The following IQCJ variants were observed in gnomAD, a reference collection of about 807,000 sequenced individuals.
IQCJ encodes the protein IQ domain-containing protein J.
Under a neutral mutation model 11.0 loss-of-function variants are expected in IQCJ, and 9 were observed. The ratio of observed to expected loss-of-function variants is 0.82; its 90% confidence interval spans 0.49 to 1.43. The LOEUF (loss-of-function observed/expected upper bound fraction) is 1.43. IQCJ is among the 40% of genes most tolerant of loss of function. The pLI is 0.00. For synonymous variants in IQCJ, 55 were observed against 51.3 expected, an observed-to-expected ratio of 1.07 and a Z score of -0.31; for missense variants, 146 against 133.2, an observed-to-expected ratio of 1.10 and a Z score of -0.47.
intron 1 of IQCJ, among the ~76,000 whole-genome samples, chr3:159,208,343 C>T (rs1724770059): frequency 6.6e-6 from 1 of 152,178 alleles, no homozygotes; most frequent in South Asian, 2.1e-4. Flanking sequence ...GAGACCAGGT[C>T]AGCCATCACC....
chr3:159,119,788 TC>T (rs1719246550), intron 1 of IQCJ, among the ~76,000 whole-genome samples: 4 of 152,146 alleles, frequency 2.6e-5, no homozygotes, highest in Admixed American at 2.6e-4. Flanking sequence ...TCCCCATGTA[TC>T]CCCATTCCGT....
intron 1 of IQCJ, among the ~76,000 whole-genome samples, chr3:159,219,534 A>C (rs920744519): frequency 7.2e-5 from 11 of 152,184 alleles, no homozygotes; most frequent in African/African-American, 2.4e-4. Flanking sequence ...GATGTTCAGA[A>C]GAGGAGGAGA....
intron 1 of IQCJ, among the ~76,000 whole-genome samples, chr3:159,190,449 T>G (rs1341619700): frequency 6.6e-6 from 1 of 152,104 alleles, no homozygotes. Context: ...TCTCTGGTAA[T>G]GGAAGGACAC....
intron 1 of IQCJ, among the ~76,000 whole-genome samples, chr3:159,147,751 G>T (rs1421070662): frequency 2.0e-5 from 3 of 152,124 alleles, no homozygotes; most frequent in Non-Finnish European, 2.9e-5. Flanking sequence ...AACTCTGTAT[G>T]GTCATCTTGT....
intron 1 of IQCJ, among the ~76,000 whole-genome samples, chr3:159,203,951 G>A (rs541366750): frequency 6.6e-6 from 1 of 152,238 alleles, no homozygotes; most frequent in East Asian, 1.9e-4. Context: ...TTGAATTTTT[G>A]TATATTTAAC....
At chr3:159,243,076 G>A (rs1727034069) in intron 1 of IQCJ, among the ~76,000 whole-genome samples, 1 of 152,144 alleles carries the variant, frequency 6.6e-6, no homozygotes, top group South Asian at 2.1e-4. Flanking sequence ...AATAACTAAA[G>A]TGAAAAAGAC....
intron 1 of IQCJ, among the ~76,000 whole-genome samples, chr3:159,229,446 G>A (rs972636405): frequency 6.6e-6 from 1 of 151,844 alleles, no homozygotes; most frequent in Non-Finnish European, 1.5e-5. Flanking sequence ...CTTCGCTCTG[G>A]TTATATTGGG....
intron 1 of IQCJ, among the ~76,000 whole-genome samples, chr3:159,184,924 T>C (rs1723298006): frequency 6.6e-6 from 1 of 152,170 alleles, no homozygotes; most frequent in African/African-American, 2.4e-5. Flanking sequence ...TCTGGAGCCA[T>C]GTCACCAAAA....
At chr3:159,263,767 A>G (rs543945289), downstream of IQCJ, 96 of 985,316 alleles carry the variant, frequency 9.7e-5, no homozygotes, top group South Asian at 3.8e-3. Context: ...CTAGATATGG[A>G]TTTAAAGAGA....
At chr3:159,180,884 T>TAA (rs1723055786) in intron 1 of IQCJ, among the ~76,000 whole-genome samples, 2 of 152,168 alleles carry the variant, frequency 1.3e-5, no homozygotes, top group Admixed American at 1.3e-4. Context: ...CAACATTTTG[T>TAA]CATCAAGTTA....
intron 1 of IQCJ, among the ~76,000 whole-genome samples, chr3:159,080,557 C>A (rs112179507): frequency 2.0e-5 from 3 of 152,100 alleles, no homozygotes; most frequent in African/African-American, 7.2e-5. Context: ...TAATAAACCG[C>A]GTTAGTGTTT....
chr3:159,254,937 G>T (rs1054486596), intron 3 of IQCJ, among the ~76,000 whole-genome samples: 2 of 152,224 alleles, frequency 1.3e-5, no homozygotes, highest in African/African-American at 4.8e-5. Context: ...TCCTCAATGG[G>T]TTTGTGCCCC....
intron 1 of IQCJ, among the ~76,000 whole-genome samples, chr3:159,120,390 C>T (rs1719297480): frequency 6.6e-6 from 1 of 152,220 alleles, no homozygotes; most frequent in Non-Finnish European, 1.5e-5. Flanking sequence ...CAGAAGTTTT[C>T]TTCCTACACA....
chr3:159,137,982 C>T (rs1466028790), intron 1 of IQCJ, among the ~76,000 whole-genome samples: 1 of 152,076 alleles, frequency 6.6e-6, no homozygotes, highest in Non-Finnish European at 1.5e-5. Context: ...ACAATGCTTA[C>T]AGATTACTTG....
chr3:159,198,893 A>G (rs563281883), intron 1 of IQCJ, among the ~76,000 whole-genome samples: 2 of 152,258 alleles, frequency 1.3e-5, no homozygotes, highest in Non-Finnish European at 2.9e-5. Context: ...CAGTTTGATC[A>G]GACAGATTTC....
rs1226678962 is a variant in IQCJ at position 159,175,689 on chromosome 3, C to A, written c.10-70154C>A. On this transcript the variant is annotated intron_variant, in intron 1 of 3. Coordinates refer to ENST00000397832, the MANE Select transcript of IQCJ (RefSeq NM_001042706.3). ...ATCAATAGTTTGTTTCTTTTTATTACTAATTAGTATTTCATATAGATACTC... is the reference window on the plus strand; with the variant it reads ...ATCAATAGTTTGTTTCTTTTTATTAATAATTAGTATTTCATATAGATACTC... 6.6e-5 allele frequency among the ~76,000 whole-genome samples: 10 copies of A among 152,022 alleles called. 1 individual carries two copies. In the South Asian group the frequency reaches 1.9e-3, roughly 28 times the overall value.
At chr3:159,254,696 C>T (rs1727791218) in intron 3 of IQCJ, among the ~76,000 whole-genome samples, 1 of 152,044 alleles carries the variant, frequency 6.6e-6, no homozygotes, top group Admixed American at 6.6e-5. Flanking sequence ...TTTCTATCTC[C>T]CCTTCTCTCC....
At chr3:159,086,018 T>C (rs1408939946) in intron 1 of IQCJ, among the ~76,000 whole-genome samples, 4 of 152,204 alleles carry the variant, frequency 2.6e-5, no homozygotes, top group Admixed American at 2.6e-4. Flanking sequence ...TGGTAATGCC[T>C]AGGTTTTCTT....
intron 1 of IQCJ, among the ~76,000 whole-genome samples, chr3:159,162,549 G>C (rs1038332099): frequency 5.9e-5 from 9 of 152,072 alleles, no homozygotes; most frequent in Non-Finnish European, 1.2e-4. Context: ...ATTGCCCTGG[G>C]CAGCACTTCC....
Sources: gnomAD v4.1 joint callset for allele counts (sites outside exome capture counted in the v4.1 genomes callset) on GRCh38, gnomAD v4.1.1 for gene constraint, MANE v1.5 for transcripts, NCBI Gene and HGNC (gene_info 2026-07-23, HGNC 2026-07-21) for gene names.